The following SIPA1L3 variants were observed in gnomAD, a reference collection of about 807,000 sequenced individuals.
SIPA1L3 encodes the protein signal induced proliferation associated 1 like 3.
In SIPA1L3, 59 loss-of-function variants were observed where a neutral mutation model predicts 150.1. The observed-to-expected ratio is 0.39, with a 90% CI of 0.32 to 0.49. SIPA1L3 has a LOEUF of 0.49. Among genes scored for constraint, SIPA1L3 ranks in the 20% least tolerant of loss-of-function variants. The probability of loss-of-function intolerance (pLI) is 0.86; values close to 1 mark genes in which losing one functional copy is unlikely to be tolerated. For synonymous variants in SIPA1L3, 1,070 were observed against 1,077.6 expected (o/e 0.99, Z 0.14); for missense variants, 2,211 against 2,489.5 (o/e 0.89, Z 2.38).
intron 1 of SIPA1L3, among the ~76,000 whole-genome samples, chr19:37,940,736 C>T (rs371925940): frequency 2.1e-4 from 32 of 152,130 alleles, no homozygotes; most frequent in African/African-American, 5.1e-4. Context: ...TGTACCACCA[C>T]GCCCAGCTAA....
intron 1 of SIPA1L3, among the ~76,000 whole-genome samples, chr19:37,999,459 A>G (rs1254499175): frequency 6.6e-6 from 1 of 152,184 alleles, no homozygotes; most frequent in African/African-American, 2.4e-5. Context: ...TAAACAGGCA[A>G]CCGCCCCAGC....
At chr19:38,163,648 A>C (rs1343497351) in intron 14 of SIPA1L3, among the ~76,000 whole-genome samples, 1 of 152,092 alleles carries the variant, frequency 6.6e-6, no homozygotes, top group Non-Finnish European at 1.5e-5. Flanking sequence ...AGGGAAGAGT[A>C]TTGCAGGCAG....
intron 2 of SIPA1L3, among the ~76,000 whole-genome samples, chr19:38,037,926 G>T (rs1231647766): frequency 6.6e-6 from 1 of 152,094 alleles, no homozygotes; most frequent in Non-Finnish European, 1.5e-5. Context: ...TGTCTGTCAC[G>T]GTGCCTTCAT....
At chr19:38,037,793 C>G (rs113371029) in intron 2 of SIPA1L3, among the ~76,000 whole-genome samples, 5 of 152,106 alleles carry the variant, frequency 3.3e-5, no homozygotes, top group Admixed American at 2.6e-4. Context: ...AGGCTTTTGG[C>G]TCCAGGTAAC....
intron 1 of SIPA1L3, among the ~76,000 whole-genome samples, chr19:38,011,615 A>G (rs1358268801): frequency 6.6e-6 from 1 of 152,256 alleles, no homozygotes; most frequent in Non-Finnish European, 1.5e-5. Flanking sequence ...CACACGTGCA[A>G]AGGCCCCAGG....
At chr19:37,950,076 CAAAAA>C (rs35506284) in intron 1 of SIPA1L3, among the ~76,000 whole-genome samples, 810 of 55,684 alleles carry the variant, frequency 0.015, 13 homozygotes, top group African/African-American at 0.046. Context: ...GACTGTGTCT[CAAAAA>C]AAAAAAAAAA....
At chr19:38,062,272 C>T (rs1477731756) in intron 2 of SIPA1L3, among the ~76,000 whole-genome samples, 7 of 152,136 alleles carry the variant, frequency 4.6e-5, no homozygotes, top group Non-Finnish European at 5.9e-5. Flanking sequence ...TTAAGTGCCC[C>T]GGTGTTCATG....
In SIPA1L3 at chr19:38,141,287, C is replaced by T; in HGVS notation, c.3247C>T (p.Gln1083Ter). Residue 1083 changes from glutamine to a stop codon, truncating the protein, a stop_gained, in exon 11 of 22, where the codon CAG (glutamine) becomes TAG (stop). Coordinates refer to ENST00000222345, the MANE Select transcript of SIPA1L3 (RefSeq NM_015073.3). LOFTEE classifies it high-confidence loss of function. ...RPPYRSNAPW[Q>*]WSGPASHNSL... ...CCCCTACCGCAGCAATGCTCCCTGGCAGTGGAGCGGGCCCGCATCCCATAA... is the reference window on the plus strand; with the variant it reads ...CCCCTACCGCAGCAATGCTCCCTGGTAGTGGAGCGGGCCCGCATCCCATAA... The T allele has an allele frequency of 6.2e-7, 1 of 1,613,904 alleles. No homozygotes were observed. The highest frequency in any genetic ancestry group is 8.5e-7 in the Non-Finnish European group (1 of 1,179,934).
chr19:38,095,546 T>C (rs1327551005), intron 4 of SIPA1L3, among the ~76,000 whole-genome samples: 1 of 152,202 alleles, frequency 6.6e-6, no homozygotes, highest in Non-Finnish European at 1.5e-5. Context: ...ACTTGATTTG[T>C]TGCCCTCGAC....
At chr19:38,134,972 A>G (rs1971402614) in intron 10 of SIPA1L3, among the ~76,000 whole-genome samples, 1 of 152,166 alleles carries the variant, frequency 6.6e-6, no homozygotes. Context: ...CCATATTCAC[A>G]TATGACCTTG....
intron 9 of SIPA1L3, among the ~76,000 whole-genome samples, chr19:38,128,361 C>T (rs999479732): frequency 6.6e-6 from 1 of 152,122 alleles, no homozygotes; most frequent in Non-Finnish European, 1.5e-5. Context: ...ACGTTTCCCC[C>T]ACTTTCCAAA....
At chr19:38,203,964 G>A (rs759945778) in intron 20 of SIPA1L3, 163 bp from the exon 21 acceptor site, 14 of 606,508 alleles carry the variant, frequency 2.3e-5, no homozygotes, top group South Asian at 6.0e-5. Flanking sequence ...GGAGTGTGCC[G>A]GGTGGAGGGC....
At chr19:37,943,860 T>G (rs1280543992) in intron 1 of SIPA1L3, among the ~76,000 whole-genome samples, 1 of 152,286 alleles carries the variant, frequency 6.6e-6, no homozygotes, top group East Asian at 1.9e-4. Context: ...TGCCTCTGCT[T>G]GCGTTTAGGC....
intron 1 of SIPA1L3, among the ~76,000 whole-genome samples, chr19:38,021,250 C>T (rs924280666): frequency 1.3e-5 from 2 of 152,198 alleles, no homozygotes; most frequent in Admixed American, 6.5e-5. Flanking sequence ...TCACAAGAGA[C>T]ATTGTCACCT....
In SIPA1L3 at chr19:38,119,469, A is replaced by G; in HGVS notation, c.2455A>G (p.Arg819Gly). Residue 819 changes from arginine (R) to glycine (G), a missense_variant, in exon 9 of 22, where the codon AGG becomes GGG. Arg to Gly is a moderately radical substitution (Grantham distance 125). Coordinates refer to ENST00000222345, the MANE Select transcript of SIPA1L3 (RefSeq NM_015073.3). ...CGACAAGTTCCACACCATGGCCACC[A>G]GGACCCGCCAGGAGTATCTCAAGGA... is the stretch of plus-strand genomic sequence containing the variant. Reference protein sequence around the residue: ...KSDKFHTMATRTRQEYLKDLA... With the variant: ...KSDKFHTMATGTRQEYLKDLA... 6.2e-7 allele frequency: 1 copy of G among 1,614,202 alleles called. No individual in the cohort carries two copies. Among genetic ancestry groups the G allele is most frequent in the Non-Finnish European group, 8.5e-7 (1 of 1,180,044 alleles).
intron 10 of SIPA1L3, among the ~76,000 whole-genome samples, chr19:38,136,990 G>GTCATGTGCAGAGT (rs2145930288): frequency 6.6e-6 from 1 of 152,350 alleles, no homozygotes; most frequent in East Asian, 1.9e-4. Context: ...TTAAGCAGTT[G>GTCATGTGCAGAGT]TCATGTGCAG....
rs564911405 is a variant in SIPA1L3, at chr19:38,135,255, A to C, written c.3143+4483A>C. ...GGGGGACAGTTCTGGGCAGGCCTAA[A>C]CCCTGAACCTGAGGGTGTGGCCACC... is the stretch of plus-strand genomic sequence containing the variant. On this transcript the variant is annotated intron_variant, in intron 10 of 21. Transcript: ENST00000222345. Among the ~76,000 whole-genome samples, 41 of 152,140 alleles carry C rather than the reference A, an allele frequency of 2.7e-4. 1 individual carries two copies. Among genetic ancestry groups the C allele is most frequent in the African/African-American group, 9.9e-4 (41 of 41,528 alleles).
chr19:38,142,837 C>A, intron 12 of SIPA1L3, 127 bp downstream of exon 12: 1 of 1,211,608 alleles, frequency 8.3e-7, no homozygotes, highest in Non-Finnish European at 1.2e-6. Context: ...CCCTGAAGGT[C>A]CTCAGAGGAG....
chr19:38,152,798 G>A lies in SIPA1L3; in HGVS notation c.3534-42G>A, dbSNP rs550267999. On this transcript the variant is annotated intron_variant, in intron 12 of 21. Coordinates refer to ENST00000222345, the MANE Select transcript of SIPA1L3 (RefSeq NM_015073.3). The stretch of plus-strand genomic sequence containing the variant: ...CAGGCTCAGGTGGTTTTCGACATAG[G>A]CTGATCTTTAACCCTGGGCACGTTC... 3 of 1,576,218 alleles carry A rather than the reference G, an allele frequency of 1.9e-6. No individual in the cohort carries two copies. The South Asian group carries it at 3.6e-5, about 19-fold the overall frequency.
Sources: allele counts gnomAD v4.1 joint callset (sites outside exome capture counted in the v4.1 genomes callset), GRCh38; gene constraint gnomAD v4.1.1; transcripts MANE v1.5; gene names NCBI Gene and HGNC (gene_info 2026-07-23, HGNC 2026-07-21).